The following CACNG4 variants were observed in gnomAD, a reference collection of about 807,000 sequenced individuals.
The protein encoded by CACNG4 is voltage-dependent calcium channel gamma-4 subunit.
Under a neutral mutation model 22.9 loss-of-function variants are expected in CACNG4, and 8 were observed. The ratio of observed to expected loss-of-function variants is 0.35; its 90% CI spans 0.21 to 0.63. The LOEUF (loss-of-function observed/expected upper bound fraction) is 0.63. CACNG4 is among the 30% of genes least tolerant of loss of function. The probability of loss-of-function intolerance (pLI) is 0.72; values close to 1 mark genes in which losing one functional copy is unlikely to be tolerated. For synonymous variants in CACNG4, 188 were observed against 191.9 expected (o/e 0.98, Z 0.17); for missense variants, 357 against 455.4 (o/e 0.78, Z 1.97).
intron 1 of CACNG4, among the ~76,000 whole-genome samples, chr17:66,975,461 G>A (rs544953239): frequency 1.3e-5 from 2 of 152,196 alleles, no homozygotes; most frequent in African/African-American, 4.8e-5. Context: ...TGTTCAGAGA[G>A]CAATTTTTCC....
At chr17:66,991,255 C>T (rs915933319) in intron 1 of CACNG4, among the ~76,000 whole-genome samples, 1 of 152,102 alleles carries the variant, frequency 6.6e-6, no homozygotes. Context: ...GCCCCTTCCC[C>T]TTCTCCCAAA....
chr17:66,992,287 G>A (rs1459143744), intron 1 of CACNG4, among the ~76,000 whole-genome samples: 1 of 152,158 alleles, frequency 6.6e-6, no homozygotes, highest in Admixed American at 6.5e-5. Context: ...GGAGACGGGT[G>A]GGGACCCCAT....
At chr17:67,022,659 C>G (rs954879994) in intron 2 of CACNG4, among the ~76,000 whole-genome samples, 1 of 152,284 alleles carries the variant, frequency 6.6e-6, no homozygotes, top group East Asian at 1.9e-4. Context: ...ACCCGCTCAG[C>G]TGGCTGGGGA....
At chr17:67,001,998 C>T (rs1035892757) in intron 1 of CACNG4, among the ~76,000 whole-genome samples, 8 of 152,150 alleles carry the variant, frequency 5.3e-5, no homozygotes, top group Admixed American at 5.2e-4. Context: ...AGGGTGCTGG[C>T]AAGTGATGGA....
At chr17:67,017,846 G>A (rs1476307607) in intron 1 of CACNG4, among the ~76,000 whole-genome samples, 1 of 151,998 alleles carries the variant, frequency 6.6e-6, no homozygotes, top group African/African-American at 2.4e-5. Flanking sequence ...ATGCGGCTAA[G>A]AGTCCCTTGG....
intron 1 of CACNG4, among the ~76,000 whole-genome samples, chr17:67,014,442 A>C (rs1428437527): frequency 1.3e-5 from 2 of 152,186 alleles, no homozygotes; most frequent in African/African-American, 4.8e-5. Context: ...AAAAAATCCT[A>C]GGAGACCGAG....
chr17:66,981,748 T>G (rs2035274948), intron 1 of CACNG4, among the ~76,000 whole-genome samples: 1 of 152,168 alleles, frequency 6.6e-6, no homozygotes, highest in South Asian at 2.1e-4. Flanking sequence ...ATGAATAGTT[T>G]AAAAAATAAG....
At chr17:67,025,989 T>C (rs1478246933) in intron 3 of CACNG4, among the ~76,000 whole-genome samples, 2 of 152,230 alleles carry the variant, frequency 1.3e-5, no homozygotes, top group Non-Finnish European at 2.9e-5. Flanking sequence ...GCGAGTGATC[T>C]GTGGGGCCTG....
At chr17:66,974,286 T>C (rs1443563852) in intron 1 of CACNG4, among the ~76,000 whole-genome samples, 2 of 151,988 alleles carry the variant, frequency 1.3e-5, no homozygotes, top group Non-Finnish European at 2.9e-5. Flanking sequence ...ACAGGGGGCA[T>C]ACAATAAAAG....
At chr17:66,990,020 T>C (rs1471034599) in intron 1 of CACNG4, among the ~76,000 whole-genome samples, 2 of 152,230 alleles carry the variant, frequency 1.3e-5, no homozygotes, top group African/African-American at 4.8e-5. Flanking sequence ...CAAAACTTAG[T>C]GGCTGAAAAC....
At chr17:66,988,901 A>G (rs1024916096) in intron 1 of CACNG4, among the ~76,000 whole-genome samples, 6 of 151,782 alleles carry the variant, frequency 4.0e-5, no homozygotes. Context: ...TATACTAAAA[A>G]TACAAAAAAA....
chr17:67,032,275 C>A lies in CACNG4; in HGVS notation c.*1271C>A. ...GTGTTTTACAGTTTTTCCAGCCATTCTTTTCTTCCCCCTCCTGAAGCAAGC... is the reference window on the plus strand; with the variant it reads ...GTGTTTTACAGTTTTTCCAGCCATTATTTTCTTCCCCCTCCTGAAGCAAGC... On this transcript the variant is annotated 3_prime_UTR_variant, in exon 4 of 4. Coordinates refer to ENST00000262138, the MANE Select transcript of CACNG4 (RefSeq NM_014405.4). 3.1e-6 allele frequency: 1 copy of A among 325,576 alleles called. No individual in the cohort carries two copies. Among genetic ancestry groups the A allele is most frequent in the Admixed American group, 4.5e-5 (1 of 22,230 alleles). 20.2% of individuals were successfully genotyped at this position (325,576 alleles called of 1,614,324 possible). A position where few individuals can be genotyped will look rare whatever the true frequency, so the allele number is the denominator to read the frequency against.
At position 67,002,638 on chromosome 17, in the gene CACNG4, C is replaced by CTCTG. The variant is rs1436350429; in HGVS notation, c.221-15548_221-15547insGTCT. Among the ~76,000 whole-genome samples the CTCTG allele has an allele frequency of 5.9e-3, 897 of 152,100 alleles. 6 individuals are homozygous for CTCTG. Among genetic ancestry groups the CTCTG allele is most frequent in the African/African-American group, 0.02 (817 of 41,432 alleles). ...TCTCTTTCTCTCTCTCTCTCTCTCTCTCTCTCTCCATCCTCAAATAGAATA... is the reference window on the plus strand; with the variant it reads ...TCTCTTTCTCTCTCTCTCTCTCTCTCTCTGTCTCTCTCCATCCTCAAATAGAATA... On this transcript the variant is annotated intron_variant, in intron 1 of 3. Coordinates refer to ENST00000262138, the MANE Select transcript of CACNG4 (RefSeq NM_014405.4).
intron 1 of CACNG4, among the ~76,000 whole-genome samples, chr17:67,006,173 C>T (rs558902380): frequency 5.3e-5 from 8 of 152,250 alleles, no homozygotes; most frequent in South Asian, 2.1e-4. Flanking sequence ...GCTGCCGTGT[C>T]GAGGCAGCCA....
chr17:67,027,384 T>C lies in CACNG4; in HGVS notation c.445+2384T>C, dbSNP rs1203961823. Among the ~76,000 whole-genome samples, 1 of 152,066 alleles carries C rather than the reference T, an allele frequency of 6.6e-6. No individual in the cohort carries two copies. The highest frequency in any genetic ancestry group is 1.5e-5 in the Non-Finnish European group (1 of 68,000). ...GCCGCGGCTGGCTGCAAGGAAGCAA[T>C]GGGGAGGCCAGCAAGGGGACATTGG... On this transcript the variant is annotated intron_variant, in intron 3 of 3. Coordinates refer to ENST00000262138, the MANE Select transcript of CACNG4 (RefSeq NM_014405.4). The surrounding 1 kb of genome is among the most constrained non-coding windows in gnomAD (Gnocchi z 4.3).
chr17:67,006,547 T>C (rs1334667654), intron 1 of CACNG4, among the ~76,000 whole-genome samples: 2 of 152,156 alleles, frequency 1.3e-5, no homozygotes, highest in South Asian at 2.1e-4. Context: ...ATATGCCAAG[T>C]ACTACTTACT....
chr17:66,979,004 C>T (rs2035255001), intron 1 of CACNG4, among the ~76,000 whole-genome samples: 1 of 152,214 alleles, frequency 6.6e-6, no homozygotes, highest in Non-Finnish European at 1.5e-5. Context: ...GGCTGCAGGC[C>T]TGCCCCGCAC....
At chr17:66,990,973 C>T (rs1043224138) in intron 1 of CACNG4, among the ~76,000 whole-genome samples, 1 of 152,150 alleles carries the variant, frequency 6.6e-6, no homozygotes, top group Non-Finnish European at 1.5e-5. Context: ...AGCCACCGCG[C>T]CCGGCCTAAG....
At chr17:66,974,718 T>A (rs1035217730) in intron 1 of CACNG4, among the ~76,000 whole-genome samples, 1 of 152,136 alleles carries the variant, frequency 6.6e-6, no homozygotes, top group Non-Finnish European at 1.5e-5. Context: ...CAACCCCGAA[T>A]GTGCACAGGG....
Sources: gnomAD v4.1 joint callset for allele counts (sites outside exome capture counted in the v4.1 genomes callset) on GRCh38, gnomAD v4.1.1 for gene constraint, Gnocchi (gnomAD v3.1) non-coding constraint, MANE v1.5 for transcripts, NCBI Gene and HGNC (gene_info 2026-07-23, HGNC 2026-07-21) for gene names.